The following FXYD3 variants were observed in gnomAD, a reference collection of about 807,000 sequenced individuals.
The protein encoded by FXYD3 is FXYD domain-containing ion transport regulator 3.
Under a neutral mutation model 19.2 loss-of-function variants are expected in FXYD3, and 13 were observed. The ratio of observed to expected loss-of-function variants is 0.68; its 90% CI spans 0.44 to 1.08. FXYD3 has a LOEUF of 1.08. Ranked by LOEUF, FXYD3 falls within the 50% of genes least tolerant of loss-of-function variation. The pLI is 0.00. For missense variants in FXYD3, 101 were observed against 109.4 expected (o/e 0.92, Z 0.34); for synonymous variants, 48 against 38.9 (o/e 1.23, Z -0.87).
In FXYD3 at chr19:35,118,754, C is replaced by T. The variant is rs184542867; in HGVS notation, c.-14-609C>T. Among the ~76,000 whole-genome samples, 103 of 152,258 alleles carry T rather than the reference C, an allele frequency of 6.8e-4. 1 individual carries two copies. The Middle Eastern group carries it at 0.014, about 20-fold the overall frequency. ...GGTAGAGTCCCCCTCTACCCCCAGT[C>T]CCAGCCTCACGTCAATTCCTCCACA... On this transcript the variant is annotated intron_variant, in intron 2 of 8. Transcript: ENST00000604404.
rs370875872 is a variant in FXYD3 at position 35,123,424 on chromosome 19, C to T, written c.248-17C>T. On this transcript the variant is annotated splice_polypyrimidine_tract_variant and intron_variant, in intron 8 of 8. Transcript: ENST00000604404. ...ACTCAATCCACCCTCACAAACGGAC[C>T]CCATCACTTCCCGCAGGCTCAGCCC... The T allele has an allele frequency of 3.7e-6, 6 of 1,613,828 alleles. No individual in the cohort carries two copies. In the African/African-American group the frequency reaches 8.0e-5, roughly 22 times the overall value.
At chr19:35,121,578 C>G in intron 5 of FXYD3, 1 of 1,382,672 alleles carries the variant, frequency 7.2e-7, no homozygotes, top group Non-Finnish European at 9.3e-7. Flanking sequence ...AAACCCTCAT[C>G]TGGCCTCCAG....
intron 3 of FXYD3, among the ~76,000 whole-genome samples, chr19:35,120,095 A>G (rs2065006253): frequency 6.6e-6 from 1 of 152,022 alleles, no homozygotes; most frequent in Non-Finnish European, 1.5e-5. Context: ...GGCTCAGCTC[A>G]GTGCGACTGC....
intron 3 of FXYD3, among the ~76,000 whole-genome samples, chr19:35,120,351 G>A (rs2065014352): frequency 6.6e-6 from 1 of 152,104 alleles, no homozygotes; most frequent in Non-Finnish European, 1.5e-5. Flanking sequence ...TATTGGCCAG[G>A]CTGGTCTCGA....
At position 35,123,287 on chromosome 19, in the gene FXYD3, A is replaced by T; in HGVS notation, c.226A>T (p.Thr76Ser). The change falls in exon 8 of 9, where the codon ACT (threonine) becomes TCT (serine). Residue 76 changes from threonine to serine, a missense_variant. By Grantham distance (58) the Thr-to-Ser change is moderately conservative. Coordinates refer to ENST00000604404, the MANE Select transcript of FXYD3 (RefSeq NM_005971.4). ...TCTCCTTAGTCACCATCCAGGGGAG[A>T]CTCCACCTCTCATCACCCCAGGTAA... ...GQKSGHHPGE[T>S]PPLITPGSAQ... is the part of the protein sequence containing the mutation. 2 of 1,605,268 alleles carry T rather than the reference A, an allele frequency of 1.2e-6. No homozygotes were observed. Among genetic ancestry groups the T allele is most frequent in the Non-Finnish European group, 1.7e-6 (2 of 1,175,950 alleles).
At chr19:35,120,968 G>T (rs2065028760) in intron 3 of FXYD3, 110 bp from the exon 4 acceptor site, 2 of 1,162,286 alleles carry the variant, frequency 1.7e-6, no homozygotes, top group Non-Finnish European at 2.5e-6. Context: ...CAGGACCCCT[G>T]TCCCGCAGGA....
intron 2 of FXYD3, chr19:35,118,682 G>A: frequency 1.7e-6 from 1 of 605,232 alleles, no homozygotes; most frequent in Non-Finnish European, 2.1e-6. Flanking sequence ...GGGATGAGGG[G>A]CAGGAGGTTC....
chr19:35,119,663 G>GT, intron 3 of FXYD3: 2 of 549,580 alleles, frequency 3.6e-6, no homozygotes, highest in Non-Finnish European at 3.2e-6. Context: ...GGCTTTTTTT[G>GT]TTTTTGTTTT....
In FXYD3 at chr19:35,116,368, C is replaced by T. The variant is rs924589536; in HGVS notation, c.-15+9C>T. 5 of 985,528 alleles carry T rather than the reference C, an allele frequency of 5.1e-6. No homozygotes were observed. Among genetic ancestry groups the T allele is most frequent in the Non-Finnish European group, 6.0e-6 (5 of 829,996 alleles). The allele number at this position is 985,528 out of a possible 1,614,324, so 61.0% of individuals were successfully genotyped here. ...CCTGGTGAACCACACAGGTGAGCAG[C>T]TGGGGCCCCTTCCTCCAAGCCCTCC... On this transcript the variant is annotated intron_variant, in intron 2 of 8. Transcript: ENST00000604404.
chr19:35,118,404 TGGGCAGGGACA>T (rs1019875617), intron 2 of FXYD3: 44 of 768,196 alleles, frequency 5.7e-5, no homozygotes, highest in East Asian at 2.5e-4. Context: ...ACTCAGCATT[TGGGCAGGGACA>T]GGGCAGGGAC....
At chr19:35,120,208 C>T (rs1362514170) in intron 3 of FXYD3, among the ~76,000 whole-genome samples, 4 of 150,836 alleles carry the variant, frequency 2.7e-5, no homozygotes, top group Non-Finnish European at 2.9e-5. Flanking sequence ...GGCATGATCT[C>T]GGCTCACTGC....
chr19:35,123,198 G>A (rs888215783), intron 7 of FXYD3, 73 bp from the exon 8 acceptor site: 1 of 1,527,966 alleles, frequency 6.5e-7, no homozygotes, highest in African/African-American at 1.4e-5. Context: ...GTCTGGGCAG[G>A]CTAAGAACCC....
intron 2 of FXYD3, chr19:35,116,986 G>A: frequency 2.0e-6 from 2 of 985,338 alleles, no homozygotes; most frequent in Non-Finnish European, 2.4e-6. Flanking sequence ...ATTCTCCCAT[G>A]GTATGGAGGA....
chr19:35,117,277 C>G (rs2064912414), intron 2 of FXYD3: 3 of 1,503,392 alleles, frequency 2.0e-6, no homozygotes, highest in Admixed American at 2.5e-5. Context: ...GAGGAGGATA[C>G]CATCTGTCAG....
chr19:35,117,478 C>G, intron 2 of FXYD3: 1 of 1,060,170 alleles, frequency 9.4e-7, no homozygotes, highest in Non-Finnish European at 1.3e-6. Flanking sequence ...ATAGTGCCCC[C>G]TGCATTAAGC....
chr19:35,122,881 G>T, intron 6 of FXYD3, 37 bp from the exon 7 acceptor site: 3 of 1,613,890 alleles, frequency 1.9e-6, no homozygotes, highest in Non-Finnish European at 1.7e-6. Context: ...CCGGGGCTGG[G>T]GCTCCCCTCC....
chr19:35,117,511 G>A, intron 2 of FXYD3: 1 of 840,470 alleles, frequency 1.2e-6, no homozygotes, highest in Non-Finnish European at 1.7e-6. Flanking sequence ...GCGAGTAAGT[G>A]GGAAGCTGAG....
At chr19:35,117,283 G>A (rs1396822719) in intron 2 of FXYD3, 3 of 1,505,246 alleles carry the variant, frequency 2.0e-6, no homozygotes, top group Admixed American at 2.5e-5. Context: ...GATACCATCT[G>A]TCAGTCTTGG....
At chr19:35,117,447 C>A (rs1310111088) in intron 2 of FXYD3, 4 of 1,300,688 alleles carry the variant, frequency 3.1e-6, no homozygotes, top group Non-Finnish European at 4.0e-6. Flanking sequence ...TACAGGATTA[C>A]AACTGCAATG....
Sources: gnomAD v4.1 joint callset for allele counts (sites outside exome capture counted in the v4.1 genomes callset) on GRCh38, gnomAD v4.1.1 for gene constraint, MANE v1.5 for transcripts, NCBI Gene and HGNC (gene_info 2026-07-23, HGNC 2026-07-21) for gene names.